CLVS1: variants seen among roughly 807,000 people sequenced by gnomAD.
The protein encoded by CLVS1 is clavesin 1, also known as clavesin-1.
A neutral mutation model predicts 33.1 loss-of-function variants in CLVS1; 10 were observed. That is an observed-to-expected ratio of 0.30 (90% CI 0.19 to 0.51). CLVS1 has a LOEUF of 0.51. Ranked by LOEUF, CLVS1 falls within the 20% of genes least tolerant of loss-of-function variation. The pLI is 0.97. For missense variants in CLVS1, 343 were observed against 433.4 expected (o/e 0.79, Z 1.85); for synonymous variants, 163 against 166.1 (o/e 0.98, Z 0.14).
At chr8:61,059,578 AG>A (rs1199987815) in intron 1 of CLVS1, among the ~76,000 whole-genome samples, 3 of 149,226 alleles carry the variant, frequency 2.0e-5, no homozygotes, top group Non-Finnish European at 4.4e-5. Context: ...TGGGAGGCCA[AG>A]GCAAGTGGAT....
intron 3 of CLVS1, among the ~76,000 whole-genome samples, chr8:61,386,304 C>T (rs892085258): frequency 3.3e-5 from 5 of 152,284 alleles, no homozygotes; most frequent in Non-Finnish European, 7.4e-5. Flanking sequence ...TGAAGGACCA[C>T]GCTTGATAAA....
At chr8:61,424,593 A>C (rs1366916469) in intron 3 of CLVS1, among the ~76,000 whole-genome samples, 1 of 152,230 alleles carries the variant, frequency 6.6e-6, no homozygotes. Flanking sequence ...TATCACAATT[A>C]GAGCACGTAT....
chr8:61,300,231 A>G lies in CLVS1; in HGVS notation c.404A>G (p.His135Arg), dbSNP rs778907865. ...GFPGVLENRD[H>R]YGRKILLLFA... is the part of the protein sequence containing the mutation. ...CCCGGGGTGCTGGAAAACCGAGACC[A>G]TTACGGCAGGAAGATTCTTTTGCTG... Residue 135 changes from histidine (H) to arginine (R), a missense_variant, in exon 2 of 6, where the codon CAT becomes CGT. Around this residue, in one of 4 missense-constraint regions of CLVS1, gnomAD observed 166 missense variants for 244.0 expected, o/e 0.68. Coordinates refer to ENST00000325897, the MANE Select transcript of CLVS1 (RefSeq NM_173519.3). 6.2e-7 allele frequency: 1 copy of G among 1,613,984 alleles called. No homozygotes were observed. Among genetic ancestry groups the G allele is most frequent in the South Asian group, 1.1e-5 (1 of 91,074 alleles).
intron 2 of CLVS1, among the ~76,000 whole-genome samples, chr8:61,159,309 C>A (rs1008989449): frequency 5.3e-5 from 8 of 152,200 alleles, no homozygotes; most frequent in African/African-American, 1.4e-4. Context: ...TCTACCTTAA[C>A]CTACCTCATC....
chr8:61,060,258 T>C (rs1328810321), intron 1 of CLVS1, among the ~76,000 whole-genome samples: 2 of 152,168 alleles, frequency 1.3e-5, no homozygotes, highest in Non-Finnish European at 2.9e-5. Context: ...TGAGGATGAA[T>C]TCATTTTTCT....
intron 3 of CLVS1, among the ~76,000 whole-genome samples, chr8:61,396,728 G>T (rs1349302036): frequency 6.6e-6 from 1 of 152,092 alleles, no homozygotes; most frequent in East Asian, 1.9e-4. Context: ...GCAACCACTA[G>T]TCTACTTTCT....
At chr8:61,270,071 A>T (rs958293960) in intron 2 of CLVS1, among the ~76,000 whole-genome samples, 1 of 152,066 alleles carries the variant, frequency 6.6e-6, no homozygotes, top group African/African-American at 2.4e-5. Context: ...GTGGTGAGAG[A>T]GGGCATCCCT....
At chr8:61,421,928 A>G (rs371678274) in intron 3 of CLVS1, among the ~76,000 whole-genome samples, 1 of 152,174 alleles carries the variant, frequency 6.6e-6, no homozygotes, top group Non-Finnish European at 1.5e-5. Flanking sequence ...TTACAGCACT[A>G]CTTCCTGCTG....
At chr8:61,294,369 C>A (rs968418039) in intron 1 of CLVS1, among the ~76,000 whole-genome samples, 2 of 152,076 alleles carry the variant, frequency 1.3e-5, no homozygotes, top group African/African-American at 4.8e-5. Context: ...ATATCAAAGA[C>A]CTTGGCATCT....
At chr8:60,978,822 A>T in the CLVS1 span, among the ~76,000 whole-genome samples, 3 of 150,874 alleles carry the variant, frequency 2.0e-5, no homozygotes, top group Admixed American at 1.3e-4. Context: ...AAAAAAAAAA[A>T]AAAAAAAAAA....
At chr8:61,447,420 T>C (rs1816794493) in intron 3 of CLVS1, among the ~76,000 whole-genome samples, 1 of 152,030 alleles carries the variant, frequency 6.6e-6, no homozygotes, top group African/African-American at 2.4e-5. Context: ...ATTCTAATTT[T>C]TTTTTCTATT....
At chr8:61,041,980 T>C in the CLVS1 span, among the ~76,000 whole-genome samples, 1 of 152,130 alleles carries the variant, frequency 6.6e-6, no homozygotes, top group Non-Finnish European at 1.5e-5. Context: ...CATTGAATTA[T>C]ACGAGAAAAA....
At chr8:61,497,838 A>G (rs1804321990) in intron 5 of CLVS1, among the ~76,000 whole-genome samples, 1 of 152,162 alleles carries the variant, frequency 6.6e-6, no homozygotes, top group Admixed American at 6.5e-5. Flanking sequence ...CAAGGGGTAG[A>G]TTATTCATGC....
intron 1 of CLVS1, among the ~76,000 whole-genome samples, chr8:61,296,306 A>T (rs2129594239): frequency 6.6e-6 from 1 of 152,334 alleles, no homozygotes; most frequent in East Asian, 1.9e-4. Context: ...AAGCAAATTT[A>T]TTTCACATAT....
intron 5 of CLVS1, among the ~76,000 whole-genome samples, chr8:61,486,907 A>G (rs1283005633): frequency 7.2e-5 from 11 of 152,236 alleles, no homozygotes; most frequent in African/African-American, 2.2e-4. Context: ...CCCAGCACCT[A>G]AACTAATGCC....
intron 1 of CLVS1, among the ~76,000 whole-genome samples, chr8:61,113,856 C>A (rs1234730048): frequency 1.3e-5 from 2 of 152,176 alleles, no homozygotes; most frequent in Non-Finnish European, 2.9e-5. Flanking sequence ...GGTCTCAAAT[C>A]CCTGGCTCAG....
At chr8:60,995,998 T>G in the CLVS1 span, among the ~76,000 whole-genome samples, 1 of 151,936 alleles carries the variant, frequency 6.6e-6, no homozygotes, top group Non-Finnish European at 1.5e-5. Context: ...AATATCACAC[T>G]CTGGGAACTG....
intron 2 of CLVS1, among the ~76,000 whole-genome samples, chr8:61,279,863 C>G (rs990537072): frequency 6.6e-6 from 1 of 152,002 alleles, no homozygotes; most frequent in Non-Finnish European, 1.5e-5. Flanking sequence ...AGAAATAATA[C>G]TAACTTTGAA....
At chr8:61,111,348 A>G (rs1805625492) in intron 1 of CLVS1, among the ~76,000 whole-genome samples, 1 of 152,194 alleles carries the variant, frequency 6.6e-6, no homozygotes, top group Non-Finnish European at 1.5e-5. Context: ...AAGGAGGAAG[A>G]GAAGGGTGTC....
Sources: allele counts gnomAD v4.1 joint callset (sites outside exome capture counted in the v4.1 genomes callset), GRCh38; gene constraint gnomAD v4.1.1; regional missense constraint gnomAD v4.1.1; transcripts MANE v1.5; gene names NCBI Gene and HGNC (gene_info 2026-07-23, HGNC 2026-07-21).